APPL2: variants seen among roughly 807,000 people sequenced by gnomAD.
APPL2 encodes the protein DCC-interacting protein 13-beta.
A neutral mutation model predicts 92.7 loss-of-function variants in APPL2; 84 were observed. That is an observed-to-expected ratio of 0.91 (90% CI 0.76 to 1.09). APPL2 has a LOEUF of 1.09. Among genes scored for constraint, APPL2 ranks in the 50% least tolerant of loss-of-function variants. The pLI is 0.00. For synonymous variants in APPL2, 291 were observed against 291.0 expected (o/e 1.00, Z 0.00); for missense variants, 736 against 824.5 (o/e 0.89, Z 1.31).
chr12:105,180,658 G>T (rs1886029309), intron 17 of APPL2, among the ~76,000 whole-genome samples: 1 of 152,094 alleles, frequency 6.6e-6, no homozygotes, highest in South Asian at 2.1e-4. Context: ...GTGGTTTGTA[G>T]TTCTCCTTGA....
At chr12:105,214,042 G>A (rs1256246556) in intron 4 of APPL2, among the ~76,000 whole-genome samples, 1 of 152,072 alleles carries the variant, frequency 6.6e-6, no homozygotes, top group Non-Finnish European at 1.5e-5. Context: ...AAAATTGGCC[G>A]GGCGTGGTGG....
chr12:105,181,584 T>C (rs1244752445), intron 17 of APPL2, among the ~76,000 whole-genome samples: 1 of 152,256 alleles, frequency 6.6e-6, no homozygotes, highest in Admixed American at 6.5e-5. Flanking sequence ...TGAATCCATC[T>C]GGTCCTGGGC....
chr12:105,178,044 G>T (rs1240208685), intron 17 of APPL2, among the ~76,000 whole-genome samples: 1 of 152,186 alleles, frequency 6.6e-6, no homozygotes, highest in Non-Finnish European at 1.5e-5. Context: ...GCCTGCTTCA[G>T]TCTCCCAAAG....
chr12:105,198,927 G>C (rs760847184), intron 10 of APPL2, among the ~76,000 whole-genome samples: 30 of 152,202 alleles, frequency 2.0e-4, no homozygotes, highest in Non-Finnish European at 7.3e-5. Flanking sequence ...TTAAAGACCT[G>C]AGTGGTAAAT....
intron 2 of APPL2, among the ~76,000 whole-genome samples, chr12:105,226,992 G>A (rs989998388): frequency 4.6e-5 from 7 of 151,936 alleles, no homozygotes; most frequent in Admixed American, 3.3e-4. Flanking sequence ...GTGGTGGTGT[G>A]CACCTGTAGT....
At chr12:105,204,646 A>G (rs3794237) in intron 8 of APPL2, among the ~76,000 whole-genome samples, 8,125 of 152,248 alleles carry the variant, frequency 0.053, 403 homozygotes, top group East Asian at 0.22. Flanking sequence ...TAATCATTTA[A>G]TATCATTAAT....
intron 11 of APPL2, 122 bp downstream of exon 11, chr12:105,197,640 TCAA>T: frequency 8.3e-7 from 1 of 1,207,568 alleles, no homozygotes. Flanking sequence ...TCCTGAAAGG[TCAA>T]CAATACCCAG....
intron 19 of APPL2, 84 bp from the exon 20 acceptor site, chr12:105,176,166 G>GAACA: frequency 8.0e-7 from 1 of 1,249,378 alleles, no homozygotes; most frequent in Non-Finnish European, 1.1e-6. Flanking sequence ...AGTACAGTGA[G>GAACA]GTCACTGTTC....
At chr12:105,181,594 C>T (rs557043045) in intron 17 of APPL2, among the ~76,000 whole-genome samples, 15 of 151,794 alleles carry the variant, frequency 9.9e-5, no homozygotes, top group African/African-American at 2.7e-4. Flanking sequence ...TGGTCCTGGG[C>T]TTTTTTTTGG....
At chr12:105,213,380 C>A (rs911520961) in intron 4 of APPL2, among the ~76,000 whole-genome samples, 2 of 152,196 alleles carry the variant, frequency 1.3e-5, no homozygotes, top group African/African-American at 4.8e-5. Context: ...TTTAGCATCA[C>A]CATATAGAAA....
Position 105,236,130 on chromosome 12 carries a change from GC to G in APPL2, c.-119del. On this transcript the variant is annotated 5_prime_UTR_variant, in exon 1 of 21. Coordinates refer to ENST00000258530, the MANE Select transcript of APPL2 (RefSeq NM_018171.5). ...ACGCGGCGGCCACTCCGTGCCCGCGGCGGCCCCGCGCGCGTCCACGCCTGGC... is the reference window on the plus strand; with the variant it reads ...ACGCGGCGGCCACTCCGTGCCCGCGGGGCCCCGCGCGCGTCCACGCCTGGC... 1 of 644,848 alleles carries G rather than the reference GC, an allele frequency of 1.6e-6. No individual in the cohort carries two copies. Among genetic ancestry groups the G allele is most frequent in the Non-Finnish European group, 2.1e-6 (1 of 486,596 alleles). The allele number at this position is 644,848 out of a possible 1,614,324, so 39.9% of individuals were successfully genotyped here. A position where few individuals can be genotyped will look rare whatever the true frequency, so the allele number is the denominator to read the frequency against.
intron 17 of APPL2, among the ~76,000 whole-genome samples, chr12:105,186,683 T>TATATATCATATATGATATATC (rs1566056540): frequency 2.0e-4 from 8 of 39,168 alleles, no homozygotes; most frequent in African/African-American, 9.6e-4. Context: ...TGATATATCA[T>TATATATCATATATGATATATC]ATATATATCA....
intron 14 of APPL2, 152 bp from the exon 15 acceptor site, chr12:105,190,307 A>C: frequency 1.1e-6 from 1 of 892,242 alleles, no homozygotes; most frequent in Non-Finnish European, 1.7e-6. Flanking sequence ...CCTTCTTCAA[A>C]CTTCCTTCAT....
At chr12:105,209,008 C>A (rs1888994733) in intron 5 of APPL2, among the ~76,000 whole-genome samples, 1 of 152,160 alleles carries the variant, frequency 6.6e-6, no homozygotes, top group Non-Finnish European at 1.5e-5. Context: ...ATGCTCTTCG[C>A]GTTATTCATA....
chr12:105,179,183 G>C (rs1323686277), intron 17 of APPL2, among the ~76,000 whole-genome samples: 2 of 152,060 alleles, frequency 1.3e-5, no homozygotes. Flanking sequence ...TCCCCTTCCT[G>C]TGCCTATATG....
At chr12:105,176,698 G>T in intron 19 of APPL2, 178 bp downstream of exon 19, 1 of 756,460 alleles carries the variant, frequency 1.3e-6, no homozygotes. Context: ...ATTTTCCACA[G>T]AGAAATTTAA....
intron 4 of APPL2, among the ~76,000 whole-genome samples, chr12:105,212,046 G>A (rs935016300): frequency 6.6e-6 from 1 of 151,146 alleles, no homozygotes; most frequent in East Asian, 1.9e-4. Context: ...GTGAACCCGG[G>A]AGGTGGAGCT....
chr12:105,175,113 A>T (rs533874881), intron 20 of APPL2, among the ~76,000 whole-genome samples: 3 of 152,108 alleles, frequency 2.0e-5, no homozygotes, highest in Non-Finnish European at 4.4e-5. Context: ...TGAACTCCTG[A>T]CCTCAGGTGA....
intron 5 of APPL2, among the ~76,000 whole-genome samples, chr12:105,209,221 T>G (rs1224255702): frequency 6.6e-6 from 1 of 152,322 alleles, no homozygotes; most frequent in African/African-American, 2.4e-5. Context: ...AAATGTAAGA[T>G]AAAACACCAC....
Sources: allele counts gnomAD v4.1 joint callset (sites outside exome capture counted in the v4.1 genomes callset), GRCh38; gene constraint gnomAD v4.1.1; transcripts MANE v1.5; gene names NCBI Gene and HGNC (gene_info 2026-07-23, HGNC 2026-07-21).